The following TUBA8 variants were observed in gnomAD, a reference collection of about 807,000 sequenced individuals.
The protein encoded by TUBA8 is tubulin alpha-8 chain.
A neutral mutation model predicts 34.7 loss-of-function variants in TUBA8; 29 were observed. That is an observed-to-expected ratio of 0.84 (90% confidence interval 0.62 to 1.14). The LOEUF is 1.14. Ranked by LOEUF, TUBA8 falls within the 50% of genes most tolerant of loss-of-function variation. The pLI is 0.00. For synonymous variants in TUBA8, 226 were observed against 231.2 expected, an observed-to-expected ratio of 0.98 and a Z score of 0.21; for missense variants, 541 against 599.2, an observed-to-expected ratio of 0.90 and a Z score of 1.01.
rs913310733 is a variant in TUBA8, at chr22:18,121,708, G to C, written c.226+7G>C. On this transcript the variant is annotated splice_region_variant and intron_variant, in intron 2 of 4. Coordinates refer to ENST00000330423, the MANE Select transcript of TUBA8 (RefSeq NM_018943.3). This position sits in a 1 kb window ranked among gnomAD's most constrained non-coding sequence, Gnocchi z 4.8. ...CTGGAGCCTACTGTAGTGGGTGAGTGGGGGCGGAGTTCCCCTCCACAGAGA... is the reference window on the plus strand; with the variant it reads ...CTGGAGCCTACTGTAGTGGGTGAGTCGGGGCGGAGTTCCCCTCCACAGAGA... 1 of 1,613,420 alleles carries C rather than the reference G, an allele frequency of 6.2e-7. No homozygotes were observed. Among genetic ancestry groups the C allele is most frequent in the Non-Finnish European group, 8.5e-7 (1 of 1,179,450 alleles).
In TUBA8 at chr22:18,130,908, C is replaced by T. The variant is rs1928483302; in HGVS notation, c.1122C>T (p.Ala374=). 1.9e-5 allele frequency: 31 copies of T among 1,614,106 alleles called. No homozygotes were observed. Among genetic ancestry groups the T allele is most frequent in the Non-Finnish European group, 2.5e-5 (29 of 1,180,028 alleles). Residue 374 remains alanine, a synonymous_variant, in exon 5 of 5, where the codon GCC becomes GCT. Coordinates refer to ENST00000330423, the MANE Select transcript of TUBA8 (RefSeq NM_018943.3). ...GAGACCTGGCCAAGGTGCAGCGGGC[C>T]GTCTGCATGCTCAGCAACACCACGG... ...PGGDLAKVQR[A]VCMLSNTTAI...
rs362108 is a variant in TUBA8, at chr22:18,118,036, G to A, written c.4-3443G>A. The A allele has an allele frequency of 0.14, 21,565 of 152,000 alleles. 2,575 individuals carry two copies. The highest frequency in any genetic ancestry group is 0.63 in the East Asian group (3,202 of 5,120). The allele number at this position is 152,000 out of a possible 1,614,324, so 9.4% of individuals were successfully genotyped here. ...CATTGCGTCCCATCAGGAGGTCCTCGATGTCGGGTTGGCCCACAGTTAGCG... is the reference window on the plus strand; with the variant it reads ...CATTGCGTCCCATCAGGAGGTCCTCAATGTCGGGTTGGCCCACAGTTAGCG... On this transcript the variant is annotated intron_variant, in intron 1 of 4. Coordinates refer to ENST00000330423, the MANE Select transcript of TUBA8 (RefSeq NM_018943.3). This position sits in a 1 kb window ranked among gnomAD's most constrained non-coding sequence, Gnocchi z 4.0.
In TUBA8 at chr22:18,130,967, A is replaced by G. The variant is rs747184376; in HGVS notation, c.1181A>G (p.Lys394Arg). 7 of 1,614,142 alleles carry G rather than the reference A, an allele frequency of 4.3e-6. No individual in the cohort carries two copies. Among genetic ancestry groups the G allele is most frequent in the Non-Finnish European group, 4.2e-6 (5 of 1,180,032 alleles). The change falls in exon 5 of 5, where the codon AAG (lysine) becomes AGG (arginine). Residue 394 changes from lysine (K) to arginine (R), a missense_variant. Transcript: ENST00000330423. ...GAGGCCTGGGCCCGCCTCGACCACA[A>G]GTTCGACCTCATGTACGCCAAGCGG... ...IAEAWARLDH[K>R]FDLMYAKRAF...
chr22:18,126,968 C>T lies in TUBA8; in HGVS notation c.990C>T (p.Val330=), dbSNP rs150072839. 2.6e-5 allele frequency: 42 copies of T among 1,613,470 alleles called. No homozygotes were observed. Among genetic ancestry groups the T allele is most frequent in the African/African-American group, 1.3e-4 (10 of 74,862 alleles). Residue 330 remains valine (V), a synonymous_variant, in exon 4 of 5, where the codon GTC becomes GTT. Coordinates refer to ENST00000330423, the MANE Select transcript of TUBA8 (RefSeq NM_018943.3). The surrounding 1 kb of genome is among the most constrained non-coding windows in gnomAD (Gnocchi z 4.0). ...ACGTGGTGCCCAAGGATGTGAATGT[C>T]GCTATTGCTGCCATCAAGACCAAGA... ...RGDVVPKDVN[V]AIAAIKTKRT... is the part of the protein sequence containing the mutation.
rs1928159648 is a variant in TUBA8 at position 18,121,795 on chromosome 22, A to C, written c.226+94A>C. 7.7e-7 allele frequency: 1 copy of C among 1,298,968 alleles called. No homozygotes were observed. The highest frequency in any genetic ancestry group is 2.5e-5 in the East Asian group (1 of 40,618). 80.5% of individuals were successfully genotyped at this position (1,298,968 alleles called of 1,614,324 possible). A position where few individuals can be genotyped will look rare whatever the true frequency, so the allele number is the denominator to read the frequency against. ...CTAAGGAAGCAGCGTCTCTAGCTGGAAGGTGGGGATGGTGCAACCGCAGCC... is the reference window on the plus strand; with the variant it reads ...CTAAGGAAGCAGCGTCTCTAGCTGGCAGGTGGGGATGGTGCAACCGCAGCC... On this transcript the variant is annotated intron_variant, in intron 2 of 4. Coordinates refer to ENST00000330423, the MANE Select transcript of TUBA8 (RefSeq NM_018943.3). The surrounding 1 kb of genome is among the most constrained non-coding windows in gnomAD (Gnocchi z 4.8).
intron 4 of TUBA8, chr22:18,128,227 T>C (rs1171869358): frequency 6.6e-6 from 1 of 152,220 alleles, no homozygotes; most frequent in African/African-American, 2.4e-5. Context: ...CTATTTTCCA[T>C]TGCCATTAAC....
At position 18,126,804 on chromosome 22, in the gene TUBA8, ATC is replaced by A; in HGVS notation, c.830_831del (p.Ser277CysfsTer20). On this transcript the variant is annotated frameshift_variant, in exon 4 of 5. Coordinates refer to ENST00000330423, the MANE Select transcript of TUBA8 (RefSeq NM_018943.3). LOFTEE classifies it high-confidence loss of function. The surrounding 1 kb of genome is among the most constrained non-coding windows in gnomAD (Gnocchi z 4.0). The stretch of plus-strand genomic sequence containing the variant: ...CCCGCTGGTCACCTACGCGCCCATC[ATC>A]TCTGCCGAGAAAGCCTATCACGAAC... ...HFPLVTYAPI[I>X]SAEKAYHEQL... 3 of 1,613,724 alleles carry A rather than the reference ATC, an allele frequency of 1.9e-6. No homozygotes were observed. The highest frequency in any genetic ancestry group is 2.5e-6 in the Non-Finnish European group (3 of 1,179,872).
At chr22:18,129,214 G>A (rs963700421) in intron 4 of TUBA8, 2 of 152,148 alleles carry the variant, frequency 1.3e-5, no homozygotes, top group African/African-American at 4.8e-5. Flanking sequence ...CAAACAACCA[G>A]CTAGTAGGAG....
At chr22:18,113,411 G>A (rs1927871051) in intron 1 of TUBA8, 1 of 152,186 alleles carries the variant, frequency 6.6e-6, no homozygotes, top group South Asian at 2.1e-4. Flanking sequence ...CCTTTTTTGG[G>A]AAGTGGTATG....
Position 18,130,838 on chromosome 22 carries a change from C to A in TUBA8, c.1057-5C>A, listed in dbSNP as rs762542560. On this transcript the variant is annotated splice_region_variant and splice_polypyrimidine_tract_variant and intron_variant, in intron 4 of 4. Coordinates refer to ENST00000330423, the MANE Select transcript of TUBA8 (RefSeq NM_018943.3). ...TGTGGCTCCTCCTCTTTCTGTGTCC[C>A]TCAGGTGGGCATCAACTACCAGCCC... The A allele has an allele frequency of 6.2e-7, 1 of 1,613,620 alleles. No individual in the cohort carries two copies. Among genetic ancestry groups the A allele is most frequent in the Non-Finnish European group, 8.5e-7 (1 of 1,179,980 alleles).
chr22:18,115,816 GT>G (rs1354824779), intron 1 of TUBA8: 1 of 152,218 alleles, frequency 6.6e-6, no homozygotes, highest in East Asian at 1.9e-4. Flanking sequence ...CTATCCCAGC[GT>G]GAGGTCTGTG....
At chr22:18,122,864 A>T (rs1050371332) in intron 2 of TUBA8, 2 of 151,902 alleles carry the variant, frequency 1.3e-5, no homozygotes, top group Non-Finnish European at 2.9e-5. Flanking sequence ...TAACCCCAGC[A>T]CTTTGGGAGG....
Position 18,126,950 on chromosome 22 carries a change from G to T in TUBA8, c.972G>T (p.Val324=). 6.2e-7 allele frequency: 1 copy of T among 1,613,476 alleles called. No individual in the cohort carries two copies. Among genetic ancestry groups the T allele is most frequent in the Non-Finnish European group, 8.5e-7 (1 of 1,179,630 alleles). Residue 324 remains valine, a synonymous_variant, in exon 4 of 5, where the codon GTG becomes GTT. Coordinates refer to ENST00000330423, the MANE Select transcript of TUBA8 (RefSeq NM_018943.3). This position sits in a 1 kb window ranked among gnomAD's most constrained non-coding sequence, Gnocchi z 4.0. ...GCATGCTCTACCGGGGCGACGTGGT[G>T]CCCAAGGATGTGAATGTCGCTATTG... ...ACCMLYRGDV[V]PKDVNVAIAA...
rs758006292 is a variant in TUBA8 at position 18,128,410 on chromosome 22, G to C, written c.1056+1376G>C. 2.0e-5 allele frequency: 3 copies of C among 152,278 alleles called. 1 individual carries two copies. Among genetic ancestry groups the C allele is most frequent in the South Asian group, 4.1e-4 (2 of 4,830 alleles). 9.4% of individuals were successfully genotyped at this position (152,278 alleles called of 1,614,324 possible). A position where few individuals can be genotyped will look rare whatever the true frequency, so the allele number is the denominator to read the frequency against. On this transcript the variant is annotated intron_variant, in intron 4 of 4. Coordinates refer to ENST00000330423, the MANE Select transcript of TUBA8 (RefSeq NM_018943.3). ...AGAAGTCACCCCTCTGAGCTGGACC[G>C]GCAGGCAAGCAGCCTGGCTGTGCAC...
chr22:18,121,225 C>G lies in TUBA8; in HGVS notation c.4-254C>G. Reference sequence around the variant, plus strand: ...CTTGCTTCATCTTTGCAACCACCCTCCTTTTTTCTTTCCTGGTATAAAAGG... The same window carrying G: ...CTTGCTTCATCTTTGCAACCACCCTGCTTTTTTCTTTCCTGGTATAAAAGG... On this transcript the variant is annotated intron_variant, in intron 1 of 4. Coordinates refer to ENST00000330423, the MANE Select transcript of TUBA8 (RefSeq NM_018943.3). This position sits in a 1 kb window ranked among gnomAD's most constrained non-coding sequence, Gnocchi z 4.8. 2.0e-6 allele frequency: 1 copy of G among 502,430 alleles called. No homozygotes were observed. Among genetic ancestry groups the G allele is most frequent in the South Asian group, 2.2e-5 (1 of 45,038 alleles). 31.1% of individuals were successfully genotyped at this position (502,430 alleles called of 1,614,324 possible).
At chr22:18,125,285 G>C (rs1047466478) in intron 3 of TUBA8, 1 of 152,144 alleles carries the variant, frequency 6.6e-6, no homozygotes, top group African/African-American at 2.4e-5. Context: ...GGAGGCTGAG[G>C]GGGGTGGATC....
intron 4 of TUBA8, 77 bp downstream of exon 4, chr22:18,127,111 G>A (rs952679679): frequency 6.8e-6 from 10 of 1,473,820 alleles, no homozygotes; most frequent in Non-Finnish European, 7.5e-6. Flanking sequence ...GCAATTCCAT[G>A]GGCGCTTCAG....
rs753703700 is a variant in TUBA8, at chr22:18,130,874, T to TC, written c.1092dup (p.Gly365ArgfsTer56). 3.1e-6 allele frequency: 5 copies of TC among 1,613,938 alleles called. No homozygotes were observed. In the South Asian group the frequency reaches 5.5e-5, roughly 18 times the overall value. On this transcript the variant is annotated frameshift_variant, in exon 5 of 5. Coordinates refer to ENST00000330423, the MANE Select transcript of TUBA8 (RefSeq NM_018943.3). LOFTEE classifies it high-confidence loss of function. ...ATCAACTACCAGCCCCCGACCGTGG[T>TC]CCCCGGGGGAGACCTGGCCAAGGTG...
chr22:18,126,206 C>A lies in TUBA8; in HGVS notation c.376-148C>A. 1.3e-6 allele frequency: 1 copy of A among 757,270 alleles called. No individual in the cohort carries two copies. The highest frequency in any genetic ancestry group is 2.2e-6 in the Non-Finnish European group (1 of 449,678). The allele number at this position is 757,270 out of a possible 1,614,324, so 46.9% of individuals were successfully genotyped here. On this transcript the variant is annotated intron_variant, in intron 3 of 4. Transcript: ENST00000330423. The surrounding 1 kb of genome is among the most constrained non-coding windows in gnomAD (Gnocchi z 4.0). ...CACTCCTCCAAAGATCAATACAACT[C>A]CTTTTGTTTCCTTACTTCTTCAAAG...
Sources: allele counts gnomAD v4.1 joint callset, GRCh38; gene constraint gnomAD v4.1.1; non-coding constraint Gnocchi (gnomAD v3.1); transcripts MANE v1.5; gene names NCBI Gene and HGNC (gene_info 2026-07-23, HGNC 2026-07-21).